Variants in DOK6 observed in about 807,000 individuals in gnomAD.
DOK6 encodes the protein docking protein 6.
In DOK6, 22 loss-of-function variants were observed where a neutral mutation model predicts 44.0. The ratio of observed to expected loss-of-function variants is 0.50; its 90% confidence interval spans 0.36 to 0.71. DOK6 has a LOEUF of 0.71. Among genes scored for constraint, DOK6 ranks in the 30% least tolerant of loss-of-function variants. The pLI, the probability that DOK6 is intolerant of heterozygous loss-of-function variation, is 0.00. For missense variants in DOK6, 340 were observed against 416.4 expected, an observed-to-expected ratio of 0.82 and a Z score of 1.60; for synonymous variants, 166 against 145.5, an observed-to-expected ratio of 1.14 and a Z score of -1.01.
intron 7 of DOK6, among the ~76,000 whole-genome samples, chr18:69,759,095 AGTT>A (rs547170892): frequency 5.3e-4 from 80 of 152,306 alleles, no homozygotes; most frequent in African/African-American, 1.8e-3. Context: ...TGTATTTAAG[AGTT>A]ATTATCTTTG....
intron 1 of DOK6, among the ~76,000 whole-genome samples, chr18:69,496,570 T>C: frequency 6.6e-6 from 1 of 152,256 alleles, no homozygotes; most frequent in Non-Finnish European, 1.5e-5. Context: ...CTAACACCCA[T>C]GTTTTTGGAC....
At chr18:69,689,756 A>G (rs892718999) in intron 4 of DOK6, among the ~76,000 whole-genome samples, 2 of 152,198 alleles carry the variant, frequency 1.3e-5, no homozygotes, top group Non-Finnish European at 2.9e-5. Context: ...TGAATTATTC[A>G]GCAAATTGAG....
At chr18:69,777,863 TAAA>T (rs1196651485) in intron 7 of DOK6, 1 of 151,776 alleles carries the variant, frequency 6.6e-6, no homozygotes, top group Admixed American at 6.6e-5. Flanking sequence ...AAACAAAATT[TAAA>T]AAATATTTAT....
rs143819043 is a variant in DOK6 at position 69,429,620 on chromosome 18, C to CATATATATAT, written c.66+28345_66+28354dup. ...TCTATAAGGAAAATATTGAGGGATA[C>CATATATATAT]ATATATATATATATATATATATATA... is the stretch of plus-strand genomic sequence containing the variant. On this transcript the variant is annotated intron_variant, in intron 1 of 7. Coordinates refer to ENST00000382713, the MANE Select transcript of DOK6 (RefSeq NM_152721.6). Among the ~76,000 whole-genome samples the CATATATATAT allele has an allele frequency of 4.5e-3, 471 of 105,688 alleles. 9 individuals are homozygous for CATATATATAT. Among genetic ancestry groups the CATATATATAT allele is most frequent in the Middle Eastern group, 6.5e-3 (1 of 154 alleles). The allele number at this position is 105,688 out of a possible 152,430, so 69.3% of individuals were successfully genotyped here.
intron 1 of DOK6, among the ~76,000 whole-genome samples, chr18:69,474,843 A>T (rs575576958): frequency 6.6e-6 from 1 of 152,328 alleles, no homozygotes; most frequent in East Asian, 1.9e-4. Context: ...CCCCTTTAGA[A>T]ATCCTGCAGC....
intron 2 of DOK6, among the ~76,000 whole-genome samples, chr18:69,582,741 A>G (rs1237649187): frequency 6.6e-6 from 1 of 152,164 alleles, no homozygotes; most frequent in Non-Finnish European, 1.5e-5. Context: ...TATAATTCTT[A>G]CACATTTGTA....
intron 1 of DOK6, among the ~76,000 whole-genome samples, chr18:69,444,536 C>T (rs952866825): frequency 2.0e-5 from 3 of 151,924 alleles, no homozygotes; most frequent in Non-Finnish European, 4.4e-5. Context: ...AAGAATTTGC[C>T]ATCTTTATTG....
intron 3 of DOK6, among the ~76,000 whole-genome samples, chr18:69,664,473 AT>A (rs1423556778): frequency 6.6e-6 from 1 of 152,214 alleles, no homozygotes; most frequent in African/African-American, 2.4e-5. Flanking sequence ...AATTATTTGT[AT>A]TTCAACATCA....
At chr18:69,406,816 C>T (rs1916214803) in intron 1 of DOK6, among the ~76,000 whole-genome samples, 1 of 152,294 alleles carries the variant, frequency 6.6e-6, no homozygotes. Context: ...TGCGGTGGCT[C>T]ACACCTGTAA....
At chr18:69,703,970 T>C (rs377468753) in intron 5 of DOK6, among the ~76,000 whole-genome samples, 2 of 152,140 alleles carry the variant, frequency 1.3e-5, no homozygotes, top group Non-Finnish European at 1.5e-5. Flanking sequence ...TTCTCTGCCA[T>C]GCGGAGGAAA....
At chr18:69,480,224 C>T (rs1980380024) in intron 1 of DOK6, among the ~76,000 whole-genome samples, 1 of 147,246 alleles carries the variant, frequency 6.8e-6, no homozygotes. Context: ...TTTTAAATAT[C>T]CTTATTGGTA....
At position 69,841,990 on chromosome 18, in the gene DOK6, G is replaced by A. The variant is rs1347870457; in HGVS notation, c.*607G>A. ...TGTGTGTGTGTGTGTGTAGACAAAT[G>A]GATATTGCTATATCCATCTATATAT... On this transcript the variant is annotated 3_prime_UTR_variant, in exon 8 of 8. Coordinates refer to ENST00000382713, the MANE Select transcript of DOK6 (RefSeq NM_152721.6). 2 of 122,804 alleles carry A rather than the reference G, an allele frequency of 1.6e-5. No individual in the cohort carries two copies. Among genetic ancestry groups the A allele is most frequent in the Non-Finnish European group, 3.7e-5 (2 of 54,506 alleles). 7.6% of individuals were successfully genotyped at this position (122,804 alleles called of 1,614,324 possible). A position where few individuals can be genotyped will look rare whatever the true frequency, so the allele number is the denominator to read the frequency against.
intron 7 of DOK6, among the ~76,000 whole-genome samples, chr18:69,784,080 G>T (rs1345441003): frequency 6.6e-6 from 1 of 152,056 alleles, no homozygotes; most frequent in Non-Finnish European, 1.5e-5. Context: ...TCAGCTACTC[G>T]GGAAGCTGAG....
intron 1 of DOK6, among the ~76,000 whole-genome samples, chr18:69,526,846 T>C (rs1429337001): frequency 6.6e-6 from 1 of 152,232 alleles, no homozygotes; most frequent in African/African-American, 2.4e-5. Context: ...CTAACACATG[T>C]ATATACATAT....
chr18:69,847,014 G>C lies in DOK6; in HGVS notation c.*5631G>C, dbSNP rs1982359206. 1 of 152,006 alleles carries C rather than the reference G, an allele frequency of 6.6e-6. No individual in the cohort carries two copies. Among genetic ancestry groups the C allele is most frequent in the African/African-American group, 2.4e-5 (1 of 41,406 alleles). The allele number at this position is 152,006 out of a possible 1,614,324, so 9.4% of individuals were successfully genotyped here. ...AACCACATTATACTTGTAATTTTCA[G>C]ACACTTTTCTCCTACCTTAAGATTT... On this transcript the variant is annotated 3_prime_UTR_variant, in exon 8 of 8. Coordinates refer to ENST00000382713, the MANE Select transcript of DOK6 (RefSeq NM_152721.6).
chr18:69,511,284 G>T (rs909297380), intron 1 of DOK6, among the ~76,000 whole-genome samples: 2 of 152,044 alleles, frequency 1.3e-5, no homozygotes, highest in Non-Finnish European at 2.9e-5. Context: ...TTTTTGGAAT[G>T]CAGTATATAA....
chr18:69,704,350 C>G (rs536772772), intron 5 of DOK6, among the ~76,000 whole-genome samples: 1 of 152,088 alleles, frequency 6.6e-6, no homozygotes, highest in Non-Finnish European at 1.5e-5. Flanking sequence ...TCTCTTCTTC[C>G]TACACACTCA....
At chr18:69,590,673 A>AT (rs1983601992) in intron 2 of DOK6, among the ~76,000 whole-genome samples, 2 of 152,288 alleles carry the variant, frequency 1.3e-5, no homozygotes, top group African/African-American at 4.8e-5. Context: ...GAAGGGCATG[A>AT]TTAAATGTAT....
intron 1 of DOK6, among the ~76,000 whole-genome samples, chr18:69,540,367 C>T (rs1982236643): frequency 6.6e-6 from 1 of 152,078 alleles, no homozygotes; most frequent in African/African-American, 2.4e-5. Context: ...TTGGTCTCCC[C>T]CACCATTGTA....
Sources: allele counts gnomAD v4.1 joint callset (sites outside exome capture counted in the v4.1 genomes callset), GRCh38; gene constraint gnomAD v4.1.1; transcripts MANE v1.5; gene names NCBI Gene and HGNC (gene_info 2026-07-23, HGNC 2026-07-21).